Variants in OR10G7 observed in about 807,000 individuals in gnomAD.
OR10G7 encodes olfactory receptor family 10 subfamily G member 7, also known as olfactory receptor 10G7.
For missense variants in OR10G7, 338 were observed against 382.1 expected (o/e 0.88, Z 0.96); for synonymous variants, 165 against 167.4 (o/e 0.99, Z 0.11).
Position 124,037,990 on chromosome 11 carries a change from G to T in OR10G7, c.*76C>A. On this transcript the variant is annotated 3_prime_UTR_variant, in exon 2 of 2. Transcript: ENST00000641585. ...TGAATAATTGAAATGCTCCATTCAA[G>T]TATAATGCTTATGTTGAAGGTTTAA... is the stretch of plus-strand genomic sequence containing the variant. 1 of 930,380 alleles carries T rather than the reference G, an allele frequency of 1.1e-6. No homozygotes were observed. Among genetic ancestry groups the T allele is most frequent in the Non-Finnish European group, 1.6e-6 (1 of 624,372 alleles). 57.6% of individuals were successfully genotyped at this position (930,380 alleles called of 1,614,324 possible). A position where few individuals can be genotyped will look rare whatever the true frequency, so the allele number is the denominator to read the frequency against.
In OR10G7 at chr11:124,036,315, GT is replaced by G. The variant is rs1864191444; in HGVS notation, c.*1750del. 1 of 152,182 alleles carries G rather than the reference GT, an allele frequency of 6.6e-6. No individual in the cohort carries two copies. Among genetic ancestry groups the G allele is most frequent in the Non-Finnish European group, 1.5e-5 (1 of 68,032 alleles). 9.4% of individuals were successfully genotyped at this position (152,182 alleles called of 1,614,324 possible). ...TCAATAATTTACTTTCAAAATGGTT[GT>G]GTGTGATACATATTGCCATAGTATT... is the stretch of plus-strand genomic sequence containing the variant. On this transcript the variant is annotated 3_prime_UTR_variant, in exon 2 of 2. Transcript: ENST00000641585.
chr11:124,037,871 A>G lies in OR10G7; in HGVS notation c.*195T>C, dbSNP rs75559384. The stretch of plus-strand genomic sequence containing the variant: ...AGACTATTATCCTTTCTCTTAGATT[A>G]TCACCGTGAAATGGCTGCTTTAACT... On this transcript the variant is annotated 3_prime_UTR_variant, in exon 2 of 2. Transcript: ENST00000641585. The G allele has an allele frequency of 0.031, 13,844 of 439,670 alleles. 784 individuals carry two copies. The highest frequency in any genetic ancestry group is 0.15 in the East Asian group (4,440 of 28,778). 27.2% of individuals were successfully genotyped at this position (439,670 alleles called of 1,614,324 possible).
chr11:124,038,225 C>A lies in OR10G7; in HGVS notation c.777G>T (p.Leu259=). The A allele has an allele frequency of 6.2e-7, 1 of 1,613,982 alleles. No homozygotes were observed. The highest frequency in any genetic ancestry group is 8.5e-7 in the Non-Finnish European group (1 of 1,180,018). Reference sequence around the variant, plus strand: ...GCAAGGCGTCCCTGGAGCCTGGCCTCAGGTAAATGAAAAGACCAGGGCCAA... The same window carrying A: ...GCAAGGCGTCCCTGGAGCCTGGCCTAAGGTAAATGAAAAGACCAGGGCCAA... The part of the protein sequence containing the change: ...CFFGPGLFIY[L]RPGSRDALHG... Residue 259 remains leucine (L), a synonymous_variant, in exon 2 of 2, where the codon CTG becomes CTT. Transcript: ENST00000641585.
rs372508264 is a variant in OR10G7 at position 124,038,388 on chromosome 11, A to T, written c.614T>A (p.Val205Glu). 2.5e-6 allele frequency: 4 copies of T among 1,614,152 alleles called. No individual in the cohort carries two copies. Among genetic ancestry groups the T allele is most frequent in the East Asian group, 2.2e-5 (1 of 44,884 alleles). ...EMVIFVNIGL[V>E]ASGCFVLIVL... ...TATCAGGACAAAGCAGCCCGAGGCC[A>T]CTAGCCCAATATTCACAAAGATGAC... The change falls in exon 2 of 2, where the codon GTG (valine) becomes GAG (glutamate). Residue 205 changes from valine (V) to glutamate (E), a missense_variant. Transcript: ENST00000641585.
rs1001250530 is a variant in OR10G7 at position 124,040,239 on chromosome 11, T to G, written c.-21+647A>C. 3.3e-5 allele frequency among the ~76,000 whole-genome samples: 5 copies of G among 152,208 alleles called. No individual in the cohort carries two copies. In the South Asian group the frequency reaches 1.0e-3, roughly 32 times the overall value. On this transcript the variant is annotated intron_variant, in intron 1 of 1. Transcript: ENST00000641585. Reference sequence around the variant, plus strand: ...GCTTGAGTAGTAAGAAAGACTAAACTTTCTCTGATGTTTGAGTTTCAGAAT... The same window carrying G: ...GCTTGAGTAGTAAGAAAGACTAAACGTTCTCTGATGTTTGAGTTTCAGAAT...
rs1864236210 is a variant in OR10G7 at position 124,040,917 on chromosome 11, C to G, written c.-52G>C. On this transcript the variant is annotated 5_prime_UTR_variant, in exon 1 of 2. Transcript: ENST00000641585. ...TACAACTAGGTTTTGGATCATGAAGCAAAATTCAATATTGAAAGAAAATGT... is the reference window on the plus strand; with the variant it reads ...TACAACTAGGTTTTGGATCATGAAGGAAAATTCAATATTGAAAGAAAATGT... 1 of 152,070 alleles carries G rather than the reference C, an allele frequency of 6.6e-6. No homozygotes were observed. The highest frequency in any genetic ancestry group is 2.4e-5 in the African/African-American group (1 of 41,376). 9.4% of individuals were successfully genotyped at this position (152,070 alleles called of 1,614,324 possible).
chr11:124,040,342 A>G (rs1565597354), intron 1 of OR10G7, among the ~76,000 whole-genome samples: 2 of 152,032 alleles, frequency 1.3e-5, no homozygotes, highest in African/African-American at 4.8e-5. Context: ...TATTTCCATT[A>G]TTTCTAGGAT....
At position 124,037,907 on chromosome 11, in the gene OR10G7, C is replaced by G. The variant is rs138236826; in HGVS notation, c.*159G>C. ...ATGGCTGCTTTAACTAGGATTCTAA[C>G]AAACACTCTGCAGAAAAAAATGAAA... On this transcript the variant is annotated 3_prime_UTR_variant, in exon 2 of 2. Coordinates refer to ENST00000641585, the MANE Select transcript of OR10G7 (RefSeq NM_001004463.2). 7 of 527,854 alleles carry G rather than the reference C, an allele frequency of 1.3e-5. No individual in the cohort carries two copies. In the South Asian group the frequency reaches 1.5e-4, roughly 11 times the overall value. The allele number at this position is 527,854 out of a possible 1,614,324, so 32.7% of individuals were successfully genotyped here. A position where few individuals can be genotyped will look rare whatever the true frequency, so the allele number is the denominator to read the frequency against.
In OR10G7 at chr11:124,038,062, T is replaced by C. The variant is rs374379935; in HGVS notation, c.*4A>G. ...AAAAGTTAGCCATATATGGCCTTTC[T>C]TAACTATTCACCCTGAGCAAATACT... is the stretch of plus-strand genomic sequence containing the variant. On this transcript the variant is annotated 3_prime_UTR_variant, in exon 2 of 2. Transcript: ENST00000641585. The C allele has an allele frequency of 3.8e-6, 6 of 1,572,602 alleles. No individual in the cohort carries two copies. Among genetic ancestry groups the C allele is most frequent in the Non-Finnish European group, 5.2e-6 (6 of 1,161,004 alleles).
chr11:124,038,664 A>G lies in OR10G7; in HGVS notation c.338T>C (p.Leu113Pro), dbSNP rs1864216137. 1.2e-6 allele frequency: 2 copies of G among 1,613,910 alleles called. No homozygotes were observed. Among genetic ancestry groups the G allele is most frequent in the South Asian group, 2.2e-5 (2 of 91,082 alleles). The change falls in exon 2 of 2, where the codon CTC becomes CCC. Residue 113 changes from leucine (L) to proline (P), a missense_variant. Transcript: ENST00000641585. Reference protein sequence around the residue: ...FHFLGSTECFLYTVMSYDRYL... With the variant: ...FHFLGSTECFPYTVMSYDRYL... ...GCGATCATAGGACATGACTGTGTAG[A>G]GGAAACACTCGGTGCTCCCCAGGAA...
In OR10G7 at chr11:124,038,807, G is replaced by C. The variant is rs781302449; in HGVS notation, c.195C>G (p.Ser65=). The C allele has an allele frequency of 1.1e-5, 17 of 1,613,848 alleles. No homozygotes were observed. The highest frequency in any genetic ancestry group is 3.3e-5 in the Admixed American group (2 of 60,000). Residue 65 remains serine (S), a synonymous_variant, in exon 2 of 2, where the codon TCC becomes TCG. Transcript: ENST00000641585. ...TPMYYFLTNL[S]FIDMWFSTVT... is the part of the protein sequence containing the mutation. Reference sequence around the variant, plus strand: ...CAGTGGAGAACCACATGTCAATGAAGGACAGGTTGGTGAGGAAGTAGTACA... The same window carrying C: ...CAGTGGAGAACCACATGTCAATGAACGACAGGTTGGTGAGGAAGTAGTACA...
chr11:124,038,979 G>T lies in OR10G7; in HGVS notation c.23C>A (p.Thr8Lys), dbSNP rs1387523837. 2.5e-6 allele frequency: 4 copies of T among 1,613,362 alleles called. No individual in the cohort carries two copies. Among genetic ancestry groups the T allele is most frequent in the Non-Finnish European group, 3.4e-6 (4 of 1,179,502 alleles). The change falls in exon 2 of 2, where the codon ACA becomes AAA. Residue 8 changes from threonine (T) to lysine (K), a missense_variant. Transcript: ENST00000641585. Reference sequence around the variant, plus strand: ...GGGAAGGCCCGTGAGGATGAACGCTGTCAGTAGGGTGGCGTTGGACATTTC... The same window carrying T: ...GGGAAGGCCCGTGAGGATGAACGCTTTCAGTAGGGTGGCGTTGGACATTTC... MSNATLL[T>K]AFILTGLPHA...
rs557093790 is a variant in OR10G7, at chr11:124,036,731, T to G, written c.*1335A>C. The stretch of plus-strand genomic sequence containing the variant: ...GGTTTCTTGGTGTGAAAACCAAAAA[T>G]TTACCTCTTATACTGATCATGGTTT... On this transcript the variant is annotated 3_prime_UTR_variant, in exon 2 of 2. Coordinates refer to ENST00000641585, the MANE Select transcript of OR10G7 (RefSeq NM_001004463.2). 6.6e-6 allele frequency: 1 copy of G among 152,350 alleles called. No homozygotes were observed. The highest frequency in any genetic ancestry group is 2.4e-5 in the African/African-American group (1 of 41,584). The allele number at this position is 152,350 out of a possible 1,614,324, so 9.4% of individuals were successfully genotyped here. A position where few individuals can be genotyped will look rare whatever the true frequency, so the allele number is the denominator to read the frequency against.
Position 124,038,802 on chromosome 11 carries a change from A to G in OR10G7, c.200T>C (p.Ile67Thr). ...MYYFLTNLSF[I>T]DMWFSTVTVP... ...CGTGACAGTGGAGAACCACATGTCA[A>G]TGAAGGACAGGTTGGTGAGGAAGTA... Residue 67 changes from isoleucine to threonine, a missense_variant, in exon 2 of 2, where the codon ATT becomes ACT. Coordinates refer to ENST00000641585, the MANE Select transcript of OR10G7 (RefSeq NM_001004463.2). The G allele has an allele frequency of 6.2e-7, 1 of 1,613,990 alleles. No individual in the cohort carries two copies. The highest frequency in any genetic ancestry group is 8.5e-7 in the Non-Finnish European group (1 of 1,180,004).
At chr11:124,039,089 A>G (rs1864223748) in intron 1 of OR10G7, 68 bp from the exon 2 acceptor site, 1 of 1,428,446 alleles carries the variant, frequency 7.0e-7, no homozygotes, top group Non-Finnish European at 9.5e-7. Flanking sequence ...TATGGCAACT[A>G]TATTTTTCTG....
chr11:124,040,740 G>C (rs1864235120), intron 1 of OR10G7, 146 bp downstream of exon 1: 1 of 152,034 alleles, frequency 6.6e-6, no homozygotes, highest in Non-Finnish European at 1.5e-5. Context: ...TGTAAGTCAT[G>C]ACTAAGATAA....
rs749258039 is a variant in OR10G7, at chr11:124,038,110, G to A, written c.892C>T (p.Leu298=). 1 of 1,613,736 alleles carries A rather than the reference G, an allele frequency of 6.2e-7. No homozygotes were observed. The highest frequency in any genetic ancestry group is 8.5e-7 in the Non-Finnish European group (1 of 1,179,868). ...ACTGACCCATTTTTCAGCTTCAACA[G>A]AGCTTTCTTTACCTCCTTGTTTCTC... ...TLRNKEVKKA[L]LKLKNGSVFA... is the part of the protein sequence containing the mutation. Residue 298 remains leucine (L), a synonymous_variant, in exon 2 of 2, where the codon CTG becomes TTG. Transcript: ENST00000641585.
Position 124,038,501 on chromosome 11 carries a change from G to A in OR10G7, c.501C>T (p.Tyr167=), listed in dbSNP as rs753269582. The change falls in exon 2 of 2, where the codon TAC becomes TAT. Residue 167 remains tyrosine (Y), a synonymous_variant. Transcript: ENST00000641585. ...VQTILTFHLP[Y]CGPNQIQHYF... is the part of the protein sequence containing the mutation. The stretch of plus-strand genomic sequence containing the variant: ...AGTGCTGGATCTGGTTGGGTCCACA[G>A]TAGGGCAAATGGAAAGTCAATATGG... 4 of 1,613,832 alleles carry A rather than the reference G, an allele frequency of 2.5e-6. No individual in the cohort carries two copies. The highest frequency in any genetic ancestry group is 2.2e-5 in the East Asian group (1 of 44,882).
chr11:124,039,563 C>G (rs1264391785), intron 1 of OR10G7, among the ~76,000 whole-genome samples: 1 of 152,116 alleles, frequency 6.6e-6, no homozygotes, highest in African/African-American at 2.4e-5. Context: ...ACTGCCTTCT[C>G]AGAGCTCTCT....
Sources: gnomAD v4.1 joint callset for allele counts (sites outside exome capture counted in the v4.1 genomes callset) on GRCh38, gnomAD v4.1.1 for gene constraint, MANE v1.5 for transcripts, NCBI Gene and HGNC (gene_info 2026-07-23, HGNC 2026-07-21) for gene names.